The following CNTNAP2 variants were observed in gnomAD, a reference collection of about 807,000 sequenced individuals.
The protein encoded by CNTNAP2 is contactin associated protein 2, also known as contactin-associated protein-like 2.
In CNTNAP2, 98 loss-of-function variants were observed where a neutral mutation model predicts 155.2. The ratio of observed to expected loss-of-function variants is 0.63; its 90% CI spans 0.54 to 0.75. The LOEUF (loss-of-function observed/expected upper bound fraction) is 0.75. Among genes scored for constraint, CNTNAP2 ranks in the 30% least tolerant of loss-of-function variants. The pLI is 0.00. For missense variants in CNTNAP2, 1,727 were observed against 1,688.1 expected (o/e 1.02, Z -0.40); for synonymous variants, 651 against 631.2 (o/e 1.03, Z -0.47).
chr7:147,128,911 A>G (rs952112029), intron 7 of CNTNAP2, 75 bp downstream of exon 7: 29 of 1,568,208 alleles, frequency 1.8e-5, no homozygotes, highest in Non-Finnish European at 2.3e-5. Flanking sequence ...TTATTGAACA[A>G]CAACAAAATC....
At chr7:147,673,084 C>G (rs1795814795) in intron 13 of CNTNAP2, 1 of 152,096 alleles carries the variant, frequency 6.6e-6, no homozygotes, top group African/African-American at 2.4e-5. Context: ...TTCCAGACTA[C>G]AAATCAATGG....
chr7:146,683,371 G>T (rs1800539247), intron 1 of CNTNAP2, among the ~76,000 whole-genome samples: 1 of 152,170 alleles, frequency 6.6e-6, no homozygotes, highest in Non-Finnish European at 1.5e-5. Flanking sequence ...TTGGCGGGGA[G>T]TGGGAATCCT....
chr7:148,046,253 G>A (rs1802771755), intron 15 of CNTNAP2, among the ~76,000 whole-genome samples: 1 of 151,980 alleles, frequency 6.6e-6, no homozygotes. Context: ...GCCAGTACCT[G>A]GTTCTTAATT....
intron 13 of CNTNAP2, among the ~76,000 whole-genome samples, chr7:147,654,343 T>C (rs1315703540): frequency 3.3e-5 from 5 of 152,234 alleles, no homozygotes; most frequent in Non-Finnish European, 2.9e-5. Flanking sequence ...TATCCAAAAA[T>C]ATATTCTAAA....
chr7:147,077,335 G>A (rs1465966838), intron 4 of CNTNAP2, among the ~76,000 whole-genome samples: 3 of 152,054 alleles, frequency 2.0e-5, no homozygotes, highest in Admixed American at 6.6e-5. Context: ...TCTGGAGAAA[G>A]TGAATGCAAT....
intron 3 of CNTNAP2, among the ~76,000 whole-genome samples, chr7:147,017,264 C>T (rs1268783202): frequency 6.6e-6 from 1 of 151,546 alleles, no homozygotes; most frequent in Admixed American, 6.6e-5. Flanking sequence ...TTCAGCATTA[C>T]ACACACGTTA....
intron 11 of CNTNAP2, among the ~76,000 whole-genome samples, chr7:147,524,246 C>A (rs899738792): frequency 6.6e-6 from 1 of 152,050 alleles, no homozygotes; most frequent in African/African-American, 2.4e-5. Context: ...CGTGGCTAGC[C>A]GGGCATGGTG....
chr7:146,148,142 T>A (rs569642383), intron 1 of CNTNAP2, among the ~76,000 whole-genome samples: 1 of 152,122 alleles, frequency 6.6e-6, no homozygotes, highest in African/African-American at 2.4e-5. Context: ...AATGATGTTC[T>A]TTTATTTTTA....
chr7:146,206,876 T>C lies in CNTNAP2; in HGVS notation c.97+89903T>C, dbSNP rs114170128. On this transcript the variant is annotated intron_variant, in intron 1 of 23. Coordinates refer to ENST00000361727, the MANE Select transcript of CNTNAP2 (RefSeq NM_014141.6). ...TTTACATTTCTCTCAAATCACCAAA[T>C]TAATAGTACCTTTAAGTCTACAATC... Among the ~76,000 whole-genome samples the C allele has an allele frequency of 6.1e-3, 925 of 152,122 alleles. 14 individuals carry two copies. Among genetic ancestry groups the C allele is most frequent in the African/African-American group, 0.021 (865 of 41,550 alleles).
At chr7:146,834,274 A>G (rs556227540) in intron 2 of CNTNAP2, among the ~76,000 whole-genome samples, 78 of 152,332 alleles carry the variant, frequency 5.1e-4, no homozygotes, top group African/African-American at 1.7e-3. Flanking sequence ...TTACAAAGCA[A>G]AAATAACTCA....
chr7:146,145,857 G>A (rs868639569), intron 1 of CNTNAP2, among the ~76,000 whole-genome samples: 2 of 152,148 alleles, frequency 1.3e-5, no homozygotes, highest in Admixed American at 6.6e-5. Context: ...AAAGGAAGCA[G>A]ACTTTCACCT....
chr7:147,874,428 A>G (rs60672072), intron 13 of CNTNAP2, among the ~76,000 whole-genome samples: 6,014 of 152,306 alleles, frequency 0.039, 382 homozygotes, highest in African/African-American at 0.14. Context: ...AAGCTGCCAA[A>G]GCTTGGGGTT....
intron 3 of CNTNAP2, among the ~76,000 whole-genome samples, chr7:146,997,668 G>A (rs1391622027): frequency 6.6e-6 from 1 of 152,046 alleles, no homozygotes; most frequent in African/African-American, 2.4e-5. Flanking sequence ...CAGCAGTGAA[G>A]CCATGAGGTC....
At position 148,409,858 on chromosome 7, in the gene CNTNAP2, T is replaced by C. The variant is rs1281099775; in HGVS notation, c.3796+387T>C. Among the ~76,000 whole-genome samples, 3 of 81,664 alleles carry C rather than the reference T, an allele frequency of 3.7e-5. 1 individual carries two copies. The highest frequency in any genetic ancestry group is 1.7e-4 in the African/African-American group (3 of 18,026). The allele number at this position is 81,664 out of a possible 152,430, so 53.6% of individuals were successfully genotyped here. ...CAAGGTCAGGAGATCGAGACCATCT[T>C]GGCTAACACGGTGAAACCCCGTCTC... On this transcript the variant is annotated intron_variant, in intron 23 of 23. Coordinates refer to ENST00000361727, the MANE Select transcript of CNTNAP2 (RefSeq NM_014141.6).
chr7:147,252,174 G>A (rs571317694), intron 8 of CNTNAP2, among the ~76,000 whole-genome samples: 1 of 152,282 alleles, frequency 6.6e-6, no homozygotes, highest in Non-Finnish European at 1.5e-5. Flanking sequence ...TTGGGTGAGG[G>A]GTGGTGGGGA....
intron 1 of CNTNAP2, among the ~76,000 whole-genome samples, chr7:146,484,599 T>C (rs1797027038): frequency 6.6e-6 from 1 of 151,888 alleles, no homozygotes; most frequent in Non-Finnish European, 1.5e-5. Context: ...AAAGACATTA[T>C]ACTAAAACAA....
intron 4 of CNTNAP2, among the ~76,000 whole-genome samples, chr7:147,090,370 TACA>T (rs879710174): frequency 7.6e-4 from 114 of 150,680 alleles, no homozygotes; most frequent in African/African-American, 2.7e-3. Flanking sequence ...CTCTGGTATT[TACA>T]ACAAGGGCTG....
chr7:146,339,966 C>T (rs1286874267), intron 1 of CNTNAP2, among the ~76,000 whole-genome samples: 2 of 151,848 alleles, frequency 1.3e-5, no homozygotes, highest in African/African-American at 4.8e-5. Flanking sequence ...GTCAGGAGAT[C>T]GAAACCATCC....
At chr7:147,731,347 G>A (rs1796735457) in intron 13 of CNTNAP2, among the ~76,000 whole-genome samples, 1 of 152,036 alleles carries the variant, frequency 6.6e-6, no homozygotes, top group Admixed American at 6.6e-5. Context: ...TTCACTTACT[G>A]TTCTGAAAAT....
Sources: gnomAD v4.1 joint callset for allele counts (sites outside exome capture counted in the v4.1 genomes callset) on GRCh38, gnomAD v4.1.1 for gene constraint, MANE v1.5 for transcripts, NCBI Gene and HGNC (gene_info 2026-07-23, HGNC 2026-07-21) for gene names.